NXPE2: variants seen among roughly 807,000 people sequenced by gnomAD.
NXPE2 encodes NXPE family member 2.
A neutral mutation model predicts 34.4 loss-of-function variants in NXPE2; 34 were observed. That is an observed-to-expected ratio of 0.99 (90% CI 0.75 to 1.31). NXPE2 has a LOEUF of 1.31. NXPE2 is among the 40% of genes most tolerant of loss of function. NXPE2 has a pLI of 0.00. For synonymous variants in NXPE2, 235 were observed against 231.3 expected (o/e 1.02, Z -0.15); for missense variants, 649 against 672.5 (o/e 0.97, Z 0.39).
chr11:114,776,879 GA>G, the NXPE2 span, among the ~76,000 whole-genome samples: 4 of 152,252 alleles, frequency 2.6e-5, no homozygotes, highest in South Asian at 8.3e-4. Flanking sequence ...CATGACAAAA[GA>G]ACTAACAGCT....
At chr11:114,519,025 C>G in the NXPE2 span, among the ~76,000 whole-genome samples, 3 of 152,090 alleles carry the variant, frequency 2.0e-5, no homozygotes, top group Admixed American at 6.6e-5. Context: ...ATTTCCTTTT[C>G]TTATAAGACC....
the NXPE2 span, among the ~76,000 whole-genome samples, chr11:114,799,220 T>C: frequency 3.3e-5 from 5 of 149,778 alleles, no homozygotes; most frequent in Admixed American, 2.0e-4. Context: ...TTTATTTGGG[T>C]ATTTGTGATA....
the NXPE2 span, among the ~76,000 whole-genome samples, chr11:114,648,468 A>G: frequency 6.6e-6 from 1 of 152,220 alleles, no homozygotes; most frequent in Non-Finnish European, 1.5e-5. Context: ...GATGAGGCTC[A>G]CCTACATTGG....
chr11:114,564,376 T>A, the NXPE2 span, among the ~76,000 whole-genome samples: 1 of 152,096 alleles, frequency 6.6e-6, no homozygotes, highest in Non-Finnish European at 1.5e-5. Flanking sequence ...GCTCAGGTGA[T>A]CAATGCACCA....
the NXPE2 span, among the ~76,000 whole-genome samples, chr11:114,653,348 T>C: frequency 6.6e-6 from 1 of 152,284 alleles, no homozygotes; most frequent in South Asian, 2.1e-4. Context: ...ACTTTTATTG[T>C]CCCTATAAGC....
the NXPE2 span, among the ~76,000 whole-genome samples, chr11:114,640,195 A>G: frequency 7.5e-6 from 1 of 134,012 alleles, no homozygotes; most frequent in Non-Finnish European, 1.5e-5. Flanking sequence ...TATATAATTT[A>G]TATATATTAT....
chr11:114,603,094 ATTGTC>A, the NXPE2 span, among the ~76,000 whole-genome samples: 2 of 151,728 alleles, frequency 1.3e-5, no homozygotes, highest in African/African-American at 4.8e-5. Context: ...GATAATAATT[ATTGTC>A]TTGTCTCATA....
chr11:114,739,325 T>A, the NXPE2 span, among the ~76,000 whole-genome samples: 1 of 52,674 alleles, frequency 1.9e-5, no homozygotes, highest in Non-Finnish European at 4.0e-5. Context: ...CCTTCCTTCC[T>A]TCCTTCCTTC....
chr11:114,470,557 G>C, the NXPE2 span, among the ~76,000 whole-genome samples: 38,515 of 151,298 alleles, frequency 0.25, 5,042 homozygotes, highest in East Asian at 0.37. Context: ...GTGTATAATA[G>C]GGTTCTCCAG....
the NXPE2 span, among the ~76,000 whole-genome samples, chr11:114,523,547 A>T: frequency 6.6e-6 from 1 of 152,198 alleles, no homozygotes; most frequent in South Asian, 2.1e-4. Context: ...TGTACATTAA[A>T]TATAAAAACC....
the NXPE2 span, among the ~76,000 whole-genome samples, chr11:114,501,973 T>A: frequency 6.6e-6 from 1 of 152,192 alleles, no homozygotes; most frequent in Non-Finnish European, 1.5e-5. Context: ...ACATTATTTG[T>A]CTAAGACAGT....
At chr11:114,756,083 T>C in the NXPE2 span, among the ~76,000 whole-genome samples, 1 of 152,192 alleles carries the variant, frequency 6.6e-6, no homozygotes, top group Admixed American at 6.5e-5. Context: ...CTGTATAACA[T>C]TTCTTTCATT....
chr11:114,510,160 C>T, the NXPE2 span, among the ~76,000 whole-genome samples: 4 of 152,088 alleles, frequency 2.6e-5, no homozygotes, highest in Non-Finnish European at 4.4e-5. Context: ...CCAAATAATC[C>T]AACAAATGTA....
At chr11:114,614,629 G>A in the NXPE2 span, among the ~76,000 whole-genome samples, 1 of 151,374 alleles carries the variant, frequency 6.6e-6, no homozygotes, top group Non-Finnish European at 1.5e-5. Flanking sequence ...TTACCTGGTG[G>A]ATTATAAGTA....
At chr11:114,608,856 G>A in the NXPE2 span, among the ~76,000 whole-genome samples, 1 of 151,224 alleles carries the variant, frequency 6.6e-6, no homozygotes, top group Admixed American at 6.6e-5. Context: ...TTGCCTTGTG[G>A]GTAACCACTC....
chr11:114,787,266 C>T, the NXPE2 span, among the ~76,000 whole-genome samples: 2 of 152,202 alleles, frequency 1.3e-5, no homozygotes, highest in African/African-American at 2.4e-5. Context: ...CCCACCCTCC[C>T]AAGCTCATGC....
chr11:114,768,349 C>A, the NXPE2 span, among the ~76,000 whole-genome samples: 1 of 152,100 alleles, frequency 6.6e-6, no homozygotes, highest in East Asian at 1.9e-4. Context: ...TAGCAAGATG[C>A]CTCCAGCTTT....
At chr11:114,538,847 T>C in the NXPE2 span, among the ~76,000 whole-genome samples, 1 of 152,184 alleles carries the variant, frequency 6.6e-6, no homozygotes, top group African/African-American at 2.4e-5. Flanking sequence ...GACTGTAAAC[T>C]AGTTCAACCA....
In NXPE2 at chr11:114,681,175, C is replaced by T. The variant is rs774567540; in HGVS notation, c.132+1413C>T. Among the ~76,000 whole-genome samples, 26 of 152,294 alleles carry T rather than the reference C, an allele frequency of 1.7e-4. 2 individuals are homozygous for T. The highest frequency in any genetic ancestry group is 6.8e-3 in the Middle Eastern group (2 of 294). ...TTTAGACCGATACTTTGTCATTGCT[C>T]ATCTAAATTGTTGAAATAGTTTTCC... On this transcript the variant is annotated intron_variant, in intron 2 of 5. Coordinates refer to ENST00000389586, the MANE Select transcript of NXPE2 (RefSeq NM_182495.6).
Sources: gnomAD v4.1 joint callset for allele counts (sites outside exome capture counted in the v4.1 genomes callset) on GRCh38, gnomAD v4.1.1 for gene constraint, MANE v1.5 for transcripts, NCBI Gene and HGNC (gene_info 2026-07-23, HGNC 2026-07-21) for gene names.